Variants in TMCC1 observed in about 807,000 individuals in gnomAD.
TMCC1 encodes transmembrane and coiled-coil domains protein 1.
Under a neutral mutation model 52.4 loss-of-function variants are expected in TMCC1, and 15 were observed. The observed-to-expected ratio is 0.29, with a 90% CI of 0.19 to 0.44. The LOEUF (loss-of-function observed/expected upper bound fraction) is 0.44. Among genes scored for constraint, TMCC1 ranks in the 20% least tolerant of loss-of-function variants. The probability of loss-of-function intolerance (pLI) is 1.00; values close to 1 mark genes in which losing one functional copy is unlikely to be tolerated. For missense variants in TMCC1, 503 were observed against 806.0 expected, an observed-to-expected ratio of 0.62 and a Z score of 4.55; for synonymous variants, 279 against 301.9, an observed-to-expected ratio of 0.92 and a Z score of 0.79.
chr3:129,870,727 G>T lies in TMCC1; in HGVS notation c.-184+9582C>A, dbSNP rs1166277779. Among the ~76,000 whole-genome samples, 4 of 18,836 alleles carry T rather than the reference G, an allele frequency of 2.1e-4. 1 individual carries two copies. The highest frequency in any genetic ancestry group is 6.6e-4 in the African/African-American group (4 of 6,080). The allele number at this position is 18,836 out of a possible 152,430, so 12.4% of individuals were successfully genotyped here. The stretch of plus-strand genomic sequence containing the variant: ...GCACTCCGCGGGTTGGCGGGGGGGG[G>T]GGGGGGGGGGCGACAGAGCAAGACT... On this transcript the variant is annotated intron_variant, in intron 2 of 6. Transcript: ENST00000393238.
At chr3:129,850,492 A>AAAGCATTCAT (rs2059868496) in intron 2 of TMCC1, among the ~76,000 whole-genome samples, 1 of 152,238 alleles carries the variant, frequency 6.6e-6, no homozygotes, top group African/African-American at 2.4e-5. Context: ...TAATCTCTGA[A>AAAGCATTCAT]AAGCATTCAT....
At chr3:129,871,936 G>A (rs929881465) in intron 2 of TMCC1, among the ~76,000 whole-genome samples, 5 of 152,182 alleles carry the variant, frequency 3.3e-5, no homozygotes, top group African/African-American at 9.7e-5. Flanking sequence ...GATTGGCAAA[G>A]ACCAAAATGT....
At chr3:129,834,250 T>C (rs192431379) in intron 2 of TMCC1, among the ~76,000 whole-genome samples, 46 of 152,258 alleles carry the variant, frequency 3.0e-4, no homozygotes, top group Non-Finnish European at 6.3e-4. Flanking sequence ...CACAGTATGT[T>C]TGGGCATACT....
intron 4 of TMCC1, among the ~76,000 whole-genome samples, chr3:129,751,994 A>G (rs910772318): frequency 1.3e-5 from 2 of 152,190 alleles, no homozygotes; most frequent in African/African-American, 2.4e-5. Flanking sequence ...CTTTAAATGT[A>G]TGGGATGGGT....
intron 4 of TMCC1, among the ~76,000 whole-genome samples, chr3:129,785,135 C>T (rs1454938486): frequency 1.3e-5 from 2 of 152,164 alleles, no homozygotes; most frequent in Admixed American, 1.3e-4. Flanking sequence ...ATTTAGATAA[C>T]ACCCAACCAT....
intron 6 of TMCC1, among the ~76,000 whole-genome samples, chr3:129,654,748 T>A (rs2086564067): frequency 6.6e-6 from 1 of 152,182 alleles, no homozygotes. Flanking sequence ...ACTGTGATCC[T>A]AAGAAACATT....
chr3:129,698,336 T>C (rs371072842), intron 4 of TMCC1, among the ~76,000 whole-genome samples: 238 of 152,182 alleles, frequency 1.6e-3, no homozygotes, highest in African/African-American at 5.2e-3. Flanking sequence ...CTCACTATCA[T>C]GGGAACAGCA....
intron 4 of TMCC1, among the ~76,000 whole-genome samples, chr3:129,806,735 A>C (rs1477295450): frequency 2.6e-5 from 4 of 152,208 alleles, no homozygotes; most frequent in Non-Finnish European, 4.4e-5. Flanking sequence ...AAACAAATAT[A>C]TAAAACAAGA....
At chr3:129,816,400 G>C (rs1274848203) in intron 4 of TMCC1, among the ~76,000 whole-genome samples, 1 of 152,088 alleles carries the variant, frequency 6.6e-6, no homozygotes, top group Non-Finnish European at 1.5e-5. Context: ...ATATTATAAA[G>C]CCATAAAGAA....
At chr3:129,739,481 C>G (rs2107632604) in intron 4 of TMCC1, among the ~76,000 whole-genome samples, 1 of 152,258 alleles carries the variant, frequency 6.6e-6, no homozygotes, top group East Asian at 1.9e-4. Context: ...ATTCTTATAA[C>G]CATCTACAAC....
intron 4 of TMCC1, among the ~76,000 whole-genome samples, chr3:129,694,338 T>C (rs1050802729): frequency 6.6e-6 from 1 of 152,258 alleles, no homozygotes; most frequent in Non-Finnish European, 1.5e-5. Context: ...GATGCCCCTG[T>C]ATGACTAACT....
At chr3:129,688,813 C>A (rs560739181) in intron 4 of TMCC1, 2 of 907,472 alleles carry the variant, frequency 2.2e-6, no homozygotes, top group African/African-American at 3.6e-5. Context: ...TTATAAAAGA[C>A]AAAAGCACCA....
chr3:129,892,127 T>C (rs2061994342), intron 1 of TMCC1, among the ~76,000 whole-genome samples: 1 of 152,138 alleles, frequency 6.6e-6, no homozygotes. Flanking sequence ...TCTTAATCAA[T>C]GCTCATAATT....
In TMCC1 at chr3:129,703,585, G is replaced by A. The variant is rs560056326; in HGVS notation, c.577-32321C>T. Among the ~76,000 whole-genome samples the A allele has an allele frequency of 1.7e-3, 264 of 152,296 alleles. 1 individual carries two copies. Among genetic ancestry groups the A allele is most frequent in the South Asian group, 0.013 (64 of 4,824 alleles). On this transcript the variant is annotated intron_variant, in intron 4 of 6. Transcript: ENST00000393238. ...ATCAAGATTTAGTACCTAATAAATA[G>A]GAATTGAGTTTGCAAGGTTGAGGCT... is the stretch of plus-strand genomic sequence containing the variant.
chr3:129,803,513 C>A (rs188466822), intron 4 of TMCC1, among the ~76,000 whole-genome samples: 23 of 152,252 alleles, frequency 1.5e-4, no homozygotes, highest in African/African-American at 5.3e-4. Context: ...TGTGTTTTTA[C>A]CACAATAAAA....
chr3:129,697,293 C>T (rs1446465118), intron 4 of TMCC1, among the ~76,000 whole-genome samples: 1 of 152,120 alleles, frequency 6.6e-6, no homozygotes, highest in African/African-American at 2.4e-5. Flanking sequence ...TGGAAGCTAC[C>T]AAGGTATAGG....
At chr3:129,676,929 T>C (rs1576409533) in intron 4 of TMCC1, among the ~76,000 whole-genome samples, 1 of 152,124 alleles carries the variant, frequency 6.6e-6, no homozygotes, top group Admixed American at 6.5e-5. Context: ...GGCCTGTACG[T>C]TCATTAATCA....
At chr3:129,885,477 C>T (rs982948947) in intron 1 of TMCC1, among the ~76,000 whole-genome samples, 11 of 151,628 alleles carry the variant, frequency 7.3e-5, no homozygotes, top group Admixed American at 2.0e-4. Flanking sequence ...CCCAGCTACT[C>T]GGGAGGCTGA....
At chr3:129,802,689 G>A (rs775030547) in intron 4 of TMCC1, among the ~76,000 whole-genome samples, 3 of 152,162 alleles carry the variant, frequency 2.0e-5, no homozygotes, top group African/African-American at 2.4e-5. Context: ...TGTGAAAGGA[G>A]GAGGAAAACT....
Sources: gnomAD v4.1 joint callset for allele counts (sites outside exome capture counted in the v4.1 genomes callset) on GRCh38, gnomAD v4.1.1 for gene constraint, MANE v1.5 for transcripts, NCBI Gene and HGNC (gene_info 2026-07-23, HGNC 2026-07-21) for gene names.